DUSP22: variants seen among roughly 807,000 people sequenced by gnomAD.
DUSP22 encodes the protein dual specificity phosphatase 22, also known as dual specificity protein phosphatase 22.
Under a neutral mutation model 24.5 loss-of-function variants are expected in DUSP22, and 24 were observed. That is an observed-to-expected ratio of 0.98 (90% CI 0.71 to 1.38). DUSP22 has a LOEUF of 1.38. DUSP22 is among the 40% of genes most tolerant of loss of function. The pLI, the probability that DUSP22 is intolerant of heterozygous loss-of-function variation, is 0.00. For missense variants in DUSP22, 330 were observed against 269.2 expected (o/e 1.23, Z -1.58); for synonymous variants, 160 against 106.4 (o/e 1.50, Z -3.10).
chr6:297,488 C>T (rs1757390623), intron 1 of DUSP22, among the ~76,000 whole-genome samples: 1 of 152,416 alleles, frequency 6.6e-6, no homozygotes, highest in South Asian at 2.1e-4. Flanking sequence ...ACCGGTGTTC[C>T]TCAACGGCTA....
intron 3 of DUSP22, among the ~76,000 whole-genome samples, chr6:334,582 C>CA (rs1759280555): frequency 6.6e-6 from 1 of 152,254 alleles, no homozygotes; most frequent in African/African-American, 2.4e-5. Context: ...GAAAAGCAAG[C>CA]AAAATAAAAC....
At chr6:306,013 C>T (rs540894588) in intron 2 of DUSP22, among the ~76,000 whole-genome samples, 1 of 152,426 alleles carries the variant, frequency 6.6e-6, no homozygotes, top group African/African-American at 2.4e-5. Flanking sequence ...GAGAATTGAG[C>T]ACAGAGAGCT....
At chr6:316,107 C>A (rs1561658926) in intron 3 of DUSP22, among the ~76,000 whole-genome samples, 1 of 152,426 alleles carries the variant, frequency 6.6e-6, no homozygotes, top group East Asian at 1.9e-4. Flanking sequence ...ACATGACTTC[C>A]TCTGAGAACT....
At chr6:314,248 T>C (rs1039651188) in intron 3 of DUSP22, among the ~76,000 whole-genome samples, 4 of 152,156 alleles carry the variant, frequency 2.6e-5, no homozygotes, top group African/African-American at 9.7e-5. Context: ...CCTCATTTAT[T>C]TCCCGAGATC....
At chr6:323,230 G>C (rs1455531675) in intron 3 of DUSP22, among the ~76,000 whole-genome samples, 1 of 137,868 alleles carries the variant, frequency 7.3e-6, no homozygotes, top group Admixed American at 7.6e-5. Context: ...TGTTTTAAAG[G>C]CGTGTGTGCA....
chr6:336,842 G>C (rs544365415), intron 4 of DUSP22, among the ~76,000 whole-genome samples: 1 of 152,306 alleles, frequency 6.6e-6, no homozygotes, highest in African/African-American at 2.4e-5. Context: ...TGGTTGGAAG[G>C]CATGGTGCAC....
intron 2 of DUSP22, among the ~76,000 whole-genome samples, chr6:310,000 G>T (rs1322694023): frequency 6.6e-6 from 1 of 152,306 alleles, no homozygotes; most frequent in Non-Finnish European, 1.5e-5. Flanking sequence ...TCACTCTGTT[G>T]CCCAGGCTGG....
intron 4 of DUSP22, among the ~76,000 whole-genome samples, chr6:336,576 A>C (rs1438702606): frequency 3.9e-5 from 6 of 152,308 alleles, no homozygotes; most frequent in Admixed American, 6.5e-5. Flanking sequence ...AGCTGGAGTA[A>C]GATGGGTTGA....
intron 3 of DUSP22, among the ~76,000 whole-genome samples, chr6:316,321 T>C (rs1758333923): frequency 6.6e-6 from 1 of 152,310 alleles, no homozygotes; most frequent in Non-Finnish European, 1.5e-5. Flanking sequence ...GCTAGTAAAA[T>C]GGCGGAAAAT....
intron 3 of DUSP22, among the ~76,000 whole-genome samples, chr6:318,928 G>T (rs1159111110): frequency 6.6e-6 from 1 of 152,302 alleles, no homozygotes; most frequent in Non-Finnish European, 1.5e-5. Flanking sequence ...TTAAGAAAAG[G>T]AAGCAAGTTA....
At chr6:314,979 G>A (rs546615856) in intron 3 of DUSP22, among the ~76,000 whole-genome samples, 2,182 of 151,566 alleles carry the variant, frequency 0.014, no homozygotes, top group Non-Finnish European at 0.017. Flanking sequence ...AAAATAGAAG[G>A]TACTGTTATC....
intron 4 of DUSP22, among the ~76,000 whole-genome samples, chr6:344,213 G>A (rs1759751194): frequency 6.7e-6 from 1 of 150,224 alleles, no homozygotes; most frequent in South Asian, 2.1e-4. Flanking sequence ...CAAGAGAAAA[G>A]GGCAGTCTGA....
chr6:328,910 C>T (rs1759011326), intron 3 of DUSP22, among the ~76,000 whole-genome samples: 3 of 152,304 alleles, frequency 2.0e-5, no homozygotes, highest in Non-Finnish European at 2.9e-5. Flanking sequence ...TAAGTTTTTC[C>T]AGGTGTAATC....
chr6:317,386 A>T (rs1758382285), intron 3 of DUSP22, among the ~76,000 whole-genome samples: 1 of 152,308 alleles, frequency 6.6e-6, no homozygotes, highest in African/African-American at 2.4e-5. Context: ...AGCAAGCCAG[A>T]AGCAAGATGA....
chr6:343,410 G>GACTGGCT (rs1759704888), intron 4 of DUSP22, among the ~76,000 whole-genome samples: 1 of 152,302 alleles, frequency 6.6e-6, no homozygotes, highest in Non-Finnish European at 1.5e-5. Flanking sequence ...GGGTGCAGCT[G>GACTGGCT]GACGGCACCC....
At chr6:296,798 C>T (rs1026685540) in intron 1 of DUSP22, among the ~76,000 whole-genome samples, 81 of 152,270 alleles carry the variant, frequency 5.3e-4, no homozygotes, top group Non-Finnish European at 8.5e-4. Context: ...TGGGCTGAAG[C>T]CTTGCATTCT....
rs1759985965 is a variant in DUSP22, at chr6:348,267, T to C, written c.428T>C (p.Val143Ala). ...RQLQEFEKHE[V>A]HQYRQWLKEE... ...CTCCAGGAGTTTGAGAAGCATGAGG[T>C]CCATCAGGTAAGCAGTTCTTAGGGG... Residue 143 changes from valine (V) to alanine (A), a missense_variant, in exon 6 of 7, where the codon GTC becomes GCC. By Grantham distance (64) the Val-to-Ala change is moderately conservative. Coordinates refer to ENST00000419235, the MANE Select transcript of DUSP22 (RefSeq NM_001286555.3). 4 of 1,614,302 alleles carry C rather than the reference T, an allele frequency of 2.5e-6. No individual in the cohort carries two copies. Among genetic ancestry groups the C allele is most frequent in the Non-Finnish European group, 3.4e-6 (4 of 1,180,054 alleles).
At chr6:316,401 C>T (rs4959691) in intron 3 of DUSP22, among the ~76,000 whole-genome samples, 15,437 of 147,136 alleles carry the variant, frequency 0.1, no homozygotes, top group Middle Eastern at 0.15. Flanking sequence ...GCAAAATCCT[C>T]CTTCGCCTGT....
intron 1 of DUSP22, among the ~76,000 whole-genome samples, chr6:299,594 A>T (rs529365724): frequency 2.8e-4 from 42 of 152,414 alleles, no homozygotes; most frequent in African/African-American, 9.1e-4. Flanking sequence ...CCAGTCTTGA[A>T]ACTCTAGCTC....
Sources: gnomAD v4.1 joint callset for allele counts (sites outside exome capture counted in the v4.1 genomes callset) on GRCh38, gnomAD v4.1.1 for gene constraint, MANE v1.5 for transcripts, NCBI Gene and HGNC (gene_info 2026-07-23, HGNC 2026-07-21) for gene names.